Variants in MXRA7 observed in about 807,000 individuals in gnomAD.
MXRA7 encodes matrix remodeling associated 7, also known as matrix-remodeling-associated protein 7.
MXRA7 carries 18 observed loss-of-function variants against 17.4 expected under a neutral mutation model. The observed-to-expected ratio is 1.03, with a 90% CI of 0.71 to 1.53. The LOEUF is 1.53. Ranked by LOEUF, MXRA7 falls within the 40% of genes most tolerant of loss-of-function variation. The pLI, the probability that MXRA7 is intolerant of heterozygous loss-of-function variation, is 0.00. For synonymous variants in MXRA7, 70 were observed against 101.7 expected, an observed-to-expected ratio of 0.69 and a Z score of 1.87; for missense variants, 141 against 209.3, an observed-to-expected ratio of 0.67 and a Z score of 2.01.
At chr17:76,692,130 G>A (rs1035665615) in intron 1 of MXRA7, among the ~76,000 whole-genome samples, 5 of 151,572 alleles carry the variant, frequency 3.3e-5, no homozygotes, top group Admixed American at 6.6e-5. Flanking sequence ...CAGGTGCGTC[G>A]CTTGAGCCCA....
At chr17:76,702,575 C>A (rs750830030) in intron 1 of MXRA7, among the ~76,000 whole-genome samples, 13 of 152,030 alleles carry the variant, frequency 8.6e-5, no homozygotes, top group African/African-American at 3.1e-4. Flanking sequence ...GAGGGCCGGG[C>A]GCAGTGGCTT....
chr17:76,702,051 C>T (rs183853281), intron 1 of MXRA7, among the ~76,000 whole-genome samples: 44 of 152,200 alleles, frequency 2.9e-4, no homozygotes, highest in African/African-American at 1.0e-3. Flanking sequence ...AATATCAGGT[C>T]GAATTCTAGG....
At chr17:76,680,995 C>A (rs2143571625) in intron 3 of MXRA7, 116 bp from the exon 4 acceptor site, 1 of 836,498 alleles carries the variant, frequency 1.2e-6, no homozygotes. Flanking sequence ...ATTGCAGAAG[C>A]TGCGCTAGAC....
intron 1 of MXRA7, among the ~76,000 whole-genome samples, chr17:76,694,777 G>A (rs1165096248): frequency 6.6e-6 from 1 of 152,202 alleles, no homozygotes; most frequent in East Asian, 1.9e-4. Flanking sequence ...GTATAGATGA[G>A]GTTTTGCCAT....
intron 1 of MXRA7, among the ~76,000 whole-genome samples, chr17:76,706,249 C>T (rs570870947): frequency 7.7e-6 from 1 of 130,036 alleles, no homozygotes; most frequent in Admixed American, 7.8e-5. Context: ...GAGGCCCACT[C>T]TGCCATCACA....
At chr17:76,693,092 T>C (rs748543295) in intron 1 of MXRA7, among the ~76,000 whole-genome samples, 2 of 152,230 alleles carry the variant, frequency 1.3e-5, no homozygotes, top group Non-Finnish European at 2.9e-5. Context: ...AACTGATGTT[T>C]TGTAGGTTTG....
At position 76,687,330 on chromosome 17, in the gene MXRA7, T is replaced by C. The variant is rs149013671; in HGVS notation, c.406+783A>G. Among the ~76,000 whole-genome samples the C allele has an allele frequency of 1.6e-3, 246 of 152,360 alleles. 7 individuals carry two copies. The East Asian group carries it at 0.041, about 25-fold the overall frequency. Reference sequence around the variant, plus strand: ...CCGCAGGAGCTGGTTCCTACATTCCTGAAACCTTCTCTTTCCACTGCTCCT... The same window carrying C: ...CCGCAGGAGCTGGTTCCTACATTCCCGAAACCTTCTCTTTCCACTGCTCCT... On this transcript the variant is annotated intron_variant, in intron 2 of 3. Coordinates refer to ENST00000449428, the MANE Select transcript of MXRA7 (RefSeq NM_198530.4).
chr17:76,681,809 G>C lies in MXRA7; in HGVS notation c.501-930C>G, dbSNP rs988947567. On this transcript the variant is annotated intron_variant, in intron 3 of 3. Coordinates refer to ENST00000449428, the MANE Select transcript of MXRA7 (RefSeq NM_198530.4). This position sits in a 1 kb window ranked among gnomAD's most constrained non-coding sequence, Gnocchi z 4.7. Reference sequence around the variant, plus strand: ...CAGCCAAGCCCTGCCAGCTTCCCTAGCTCTGGGGGAGGAGGAGGAGGCCTC... The same window carrying C: ...CAGCCAAGCCCTGCCAGCTTCCCTACCTCTGGGGGAGGAGGAGGAGGCCTC... 4.6e-5 allele frequency among the ~76,000 whole-genome samples: 7 copies of C among 151,968 alleles called. No individual in the cohort carries two copies. Among genetic ancestry groups the C allele is most frequent in the African/African-American group, 1.7e-4 (7 of 41,224 alleles).
intron 1 of MXRA7, 29 bp downstream of exon 1, chr17:76,710,576 G>T: frequency 7.8e-7 from 1 of 1,275,090 alleles, no homozygotes; most frequent in Non-Finnish European, 9.9e-7. Context: ...CGGGGGTGGG[G>T]AGGGGGCCGC....
rs71158054 is a variant in MXRA7, at chr17:76,695,353, G to GGT, written c.343-7179_343-7178dup. On this transcript the variant is annotated intron_variant, in intron 1 of 3. Transcript: ENST00000449428. ...TGCAAGGGGTGGCTCTTTAGCTTCA[G>GGT]GTGTGTGTGTGTGTGTGTGTGTGTG... 4.1e-3 allele frequency among the ~76,000 whole-genome samples: 606 copies of GGT among 148,046 alleles called. 1 individual carries two copies. The highest frequency in any genetic ancestry group is 0.028 in the South Asian group (128 of 4,632).
At chr17:76,684,272 G>A (rs1167541046) in intron 3 of MXRA7, among the ~76,000 whole-genome samples, 1 of 152,188 alleles carries the variant, frequency 6.6e-6, no homozygotes, top group Admixed American at 6.5e-5. Flanking sequence ...CAAGTAGGGG[G>A]TGATTCCCAC....
At chr17:76,697,006 C>T (rs1228998186) in intron 1 of MXRA7, among the ~76,000 whole-genome samples, 1 of 152,192 alleles carries the variant, frequency 6.6e-6, no homozygotes, top group Non-Finnish European at 1.5e-5. Context: ...CTGTCCATGC[C>T]CTTGGTCCCA....
chr17:76,684,311 A>T (rs1481547136), intron 3 of MXRA7, among the ~76,000 whole-genome samples: 2 of 152,096 alleles, frequency 1.3e-5, no homozygotes, highest in African/African-American at 4.8e-5. Context: ...AGGCTTGGAA[A>T]ATGGCACAGC....
At chr17:76,673,796 C>G (rs2076220295) in exon 4 of MXRA7, 1 of 152,082 alleles carries the variant, frequency 6.6e-6, no homozygotes, top group African/African-American at 2.4e-5. Flanking sequence ...CTTAAAGCAG[C>G]TTAGATTGCA....
chr17:76,693,340 C>G (rs994453910), intron 1 of MXRA7, among the ~76,000 whole-genome samples: 2 of 151,830 alleles, frequency 1.3e-5, no homozygotes, highest in Non-Finnish European at 2.9e-5. Context: ...TGGTGGTGCA[C>G]GACTGCTTCA....
rs188135395 is a variant in MXRA7, at chr17:76,693,650, G to T, written c.343-5474C>A. Among the ~76,000 whole-genome samples the T allele has an allele frequency of 1.9e-3, 284 of 152,150 alleles. 2 individuals are homozygous for T. The highest frequency in any genetic ancestry group is 6.1e-3 in the African/African-American group (254 of 41,498). On this transcript the variant is annotated intron_variant, in intron 1 of 3. Transcript: ENST00000449428. ...TGCTTGAGCCCAGGAGTTTGAGACCGCCCTGGGCAACATGTCAAACCTCAT... is the reference window on the plus strand; with the variant it reads ...TGCTTGAGCCCAGGAGTTTGAGACCTCCCTGGGCAACATGTCAAACCTCAT...
Position 76,682,958 on chromosome 17 carries a change from G to A in MXRA7, c.501-2079C>T, listed in dbSNP as rs539957424. 1.8e-4 allele frequency among the ~76,000 whole-genome samples: 27 copies of A among 152,288 alleles called. No individual in the cohort carries two copies. In the South Asian group the frequency reaches 5.6e-3, roughly 32 times the overall value. ...CCAAAGATCCAGTGGGGGAAGGATG[G>A]GCAGCAGAGGGTCTACTCTCTGAAA... On this transcript the variant is annotated intron_variant, in intron 3 of 3. Transcript: ENST00000449428.
At chr17:76,696,952 C>T (rs1164769192) in intron 1 of MXRA7, among the ~76,000 whole-genome samples, 1 of 152,122 alleles carries the variant, frequency 6.6e-6, no homozygotes, top group African/African-American at 2.4e-5. Flanking sequence ...GCTGCTCGAG[C>T]GCTGACTCAA....
chr17:76,687,942 C>T (rs962140659), intron 2 of MXRA7, among the ~76,000 whole-genome samples, 171 bp downstream of exon 2: 1 of 152,106 alleles, frequency 6.6e-6, no homozygotes, highest in Non-Finnish European at 1.5e-5. Context: ...ACAGGCAGGC[C>T]AGGGCAGGAC....
Sources: gnomAD v4.1 joint callset for allele counts (sites outside exome capture counted in the v4.1 genomes callset) on GRCh38, gnomAD v4.1.1 for gene constraint, Gnocchi (gnomAD v3.1) non-coding constraint, MANE v1.5 for transcripts, NCBI Gene and HGNC (gene_info 2026-07-23, HGNC 2026-07-21) for gene names.